DOCK9: variants seen among roughly 807,000 people sequenced by gnomAD.
The protein encoded by DOCK9 is dedicator of cytokinesis protein 9.
Under a neutral mutation model 263.3 loss-of-function variants are expected in DOCK9, and 89 were observed. The ratio of observed to expected loss-of-function variants is 0.34; its 90% CI spans 0.28 to 0.40. DOCK9 has a LOEUF of 0.40. DOCK9 is among the 10% of genes least tolerant of loss of function. DOCK9 has a pLI of 1.00. For missense variants in DOCK9, 2,140 were observed against 2,603.4 expected, an observed-to-expected ratio of 0.82 and a Z score of 3.87; for synonymous variants, 976 against 973.1, an observed-to-expected ratio of 1.00 and a Z score of -0.06.
intron 9 of DOCK9, among the ~76,000 whole-genome samples, chr13:98,905,957 A>G (rs2049027768): frequency 6.6e-6 from 1 of 152,208 alleles, no homozygotes. Flanking sequence ...TTATCACACC[A>G]GCCTCCCAGT....
At chr13:98,903,415 G>A (rs1323453767) in intron 10 of DOCK9, among the ~76,000 whole-genome samples, 1 of 151,756 alleles carries the variant, frequency 6.6e-6, no homozygotes, top group Non-Finnish European at 1.5e-5. Context: ...AACCCAGTGA[G>A]ACCCCGTCTC....
At chr13:98,936,071 C>T (rs1227150949) in intron 2 of DOCK9, among the ~76,000 whole-genome samples, 1 of 152,138 alleles carries the variant, frequency 6.6e-6, no homozygotes, top group Non-Finnish European at 1.5e-5. Context: ...CTGGTTTGTG[C>T]TCTTGTGGGG....
chr13:98,844,781 T>C (rs879683694), intron 38 of DOCK9, among the ~76,000 whole-genome samples: 11 of 152,230 alleles, frequency 7.2e-5, no homozygotes, highest in Admixed American at 2.6e-4. Flanking sequence ...CTCAGGTGTC[T>C]TACTTTGAAC....
intron 1 of DOCK9, among the ~76,000 whole-genome samples, chr13:98,958,047 AG>A (rs2058251971): frequency 6.6e-6 from 1 of 152,218 alleles, no homozygotes; most frequent in African/African-American, 2.4e-5. Context: ...CAGAAGGCAG[AG>A]GTGCATTGTG....
At chr13:99,081,268 G>A (rs1002957020) in intron 1 of DOCK9, among the ~76,000 whole-genome samples, 3 of 152,158 alleles carry the variant, frequency 2.0e-5, no homozygotes, top group South Asian at 2.1e-4. Flanking sequence ...CGTTACCTCC[G>A]ACAGCACTGG....
chr13:99,047,779 T>A (rs1042745003), intron 1 of DOCK9, among the ~76,000 whole-genome samples: 8 of 152,222 alleles, frequency 5.3e-5, no homozygotes, highest in African/African-American at 1.9e-4. Flanking sequence ...CACCTCGGCC[T>A]CCCAAAGTGC....
At chr13:99,035,957 G>A (rs1156835775) in intron 1 of DOCK9, among the ~76,000 whole-genome samples, 2 of 152,052 alleles carry the variant, frequency 1.3e-5, no homozygotes, top group South Asian at 2.1e-4. Flanking sequence ...GAAGAAATTC[G>A]GACAACAGAC....
chr13:98,804,322 G>C (rs1354352648), intron 49 of DOCK9, among the ~76,000 whole-genome samples: 1 of 152,204 alleles, frequency 6.6e-6, no homozygotes. Flanking sequence ...CTCTCCCACA[G>C]AAGGTAAAAA....
chr13:98,857,457 T>G (rs938830422), intron 33 of DOCK9: 4 of 152,164 alleles, frequency 2.6e-5, no homozygotes, highest in Non-Finnish European at 5.9e-5. Flanking sequence ...CCTGGCTAAT[T>G]TTTTTGTATT....
chr13:99,038,003 A>C (rs922596237), intron 1 of DOCK9, among the ~76,000 whole-genome samples: 1 of 152,228 alleles, frequency 6.6e-6, no homozygotes, highest in African/African-American at 2.4e-5. Context: ...AAACATGTAC[A>C]TCATCTTGAA....
intron 20 of DOCK9, chr13:98,885,440 C>T (rs2045540830): frequency 1.9e-6 from 1 of 514,378 alleles, no homozygotes; most frequent in Non-Finnish European, 3.5e-6. Context: ...CCCGTCTCTA[C>T]AAAAAAATAC....
intron 35 of DOCK9, among the ~76,000 whole-genome samples, chr13:98,852,047 A>G (rs1452639796): frequency 6.6e-6 from 1 of 152,226 alleles, no homozygotes; most frequent in African/African-American, 2.4e-5. Flanking sequence ...ATGTTCTTGT[A>G]TATTTGTCTT....
intron 34 of DOCK9, chr13:98,854,641 CCA>C (rs2093658446): frequency 1.3e-5 from 2 of 152,134 alleles, no homozygotes; most frequent in Non-Finnish European, 2.9e-5. Flanking sequence ...AGGGAAAAAT[CCA>C]CAGTGACCCG....
chr13:98,794,610 G>A lies in DOCK9; in HGVS notation c.*16C>T, dbSNP rs760930070. ...AATGACAAAGCAAGTCCCCACACAC[G>A]GGCCATGAGATGTAATCACACGACC... On this transcript the variant is annotated 3_prime_UTR_variant, in exon 53 of 53. Transcript: ENST00000682017. 47 of 1,570,850 alleles carry A rather than the reference G, an allele frequency of 3.0e-5. No individual in the cohort carries two copies. Among genetic ancestry groups the A allele is most frequent in the Middle Eastern group, 1.7e-4 (1 of 6,032 alleles).
intron 7 of DOCK9, among the ~76,000 whole-genome samples, chr13:98,920,308 TATGATAACAA>T (rs2051725776): frequency 1.3e-5 from 2 of 152,246 alleles, no homozygotes; most frequent in Admixed American, 1.3e-4. Context: ...ACAACAGCCC[TATGATAACAA>T]AACTATCTAA....
At chr13:99,030,183 T>C (rs1249103429) in intron 1 of DOCK9, among the ~76,000 whole-genome samples, 1 of 152,188 alleles carries the variant, frequency 6.6e-6, no homozygotes, top group African/African-American at 2.4e-5. Flanking sequence ...TAGATAATGG[T>C]GAGGATTGCA....
At chr13:98,845,902 G>T in intron 38 of DOCK9, 22 bp downstream of exon 38, 1 of 1,611,732 alleles carries the variant, frequency 6.2e-7, no homozygotes. Context: ...TGGCTGTTAC[G>T]ATGGCATGTC....
chr13:99,022,753 A>C (rs1241406912), intron 1 of DOCK9, among the ~76,000 whole-genome samples: 2 of 152,192 alleles, frequency 1.3e-5, no homozygotes, highest in Non-Finnish European at 2.9e-5. Flanking sequence ...GACCAGCCTG[A>C]GCAACATAGC....
Position 98,825,813 on chromosome 13 carries a change from G to T in DOCK9, c.5023+1017C>A. 1.7e-6 allele frequency: 2 copies of T among 1,187,524 alleles called. No individual in the cohort carries two copies. Among genetic ancestry groups the T allele is most frequent in the Non-Finnish European group, 2.3e-6 (2 of 887,290 alleles). The allele number at this position is 1,187,524 out of a possible 1,614,324, so 73.6% of individuals were successfully genotyped here. On this transcript the variant is annotated intron_variant, in intron 44 of 52. Coordinates refer to ENST00000682017, the MANE Select transcript of DOCK9 (RefSeq NM_001366683.2). This position sits in a 1 kb window ranked among gnomAD's most constrained non-coding sequence, Gnocchi z 4.1. ...GTTAAAAGGGCAAATCCCCCACCAC[G>T]GGAGGGCACGTGACCAGGGCAGGGG...
Sources: gnomAD v4.1 joint callset for allele counts (sites outside exome capture counted in the v4.1 genomes callset) on GRCh38, gnomAD v4.1.1 for gene constraint, Gnocchi (gnomAD v3.1) non-coding constraint, MANE v1.5 for transcripts, NCBI Gene and HGNC (gene_info 2026-07-23, HGNC 2026-07-21) for gene names.